SCEL: variants seen among roughly 807,000 people sequenced by gnomAD.
SCEL encodes the protein sciellin.
A neutral mutation model predicts 117.6 loss-of-function variants in SCEL; 113 were observed. That is an observed-to-expected ratio of 0.96 (90% CI 0.83 to 1.12). SCEL has a LOEUF of 1.12. Among genes scored for constraint, SCEL ranks in the 50% most tolerant of loss-of-function variants. The pLI is 0.00. For missense variants in SCEL, 785 were observed against 810.8 expected (o/e 0.97, Z 0.39); for synonymous variants, 270 against 256.2 (o/e 1.05, Z -0.51).
chr13:77,591,814 T>C (rs1236460203), intron 11 of SCEL, among the ~76,000 whole-genome samples: 4 of 152,190 alleles, frequency 2.6e-5, no homozygotes, highest in Non-Finnish European at 5.9e-5. Flanking sequence ...AGTTGTTCAG[T>C]TGAACTTGTG....
At chr13:77,617,696 A>C (rs1044605307) in intron 25 of SCEL, 38 bp downstream of exon 25, 3 of 1,500,892 alleles carry the variant, frequency 2.0e-6, no homozygotes, top group Non-Finnish European at 1.8e-6. Flanking sequence ...CTTGGGTCAG[A>C]AAGAATATTA....
intron 2 of SCEL, among the ~76,000 whole-genome samples, chr13:77,556,149 TC>T (rs1238293398): frequency 6.6e-6 from 1 of 152,258 alleles, no homozygotes; most frequent in Admixed American, 6.5e-5. Flanking sequence ...AATATGACCT[TC>T]TTTGTGTTTG....
intron 27 of SCEL, among the ~76,000 whole-genome samples, chr13:77,625,739 G>A (rs560452972): frequency 1.7e-4 from 26 of 152,272 alleles, no homozygotes; most frequent in African/African-American, 5.8e-4. Flanking sequence ...ACATAAACAT[G>A]AGAACATTTT....
intron 9 of SCEL, among the ~76,000 whole-genome samples, chr13:77,581,882 T>A (rs886578506): frequency 6.6e-6 from 1 of 152,110 alleles, no homozygotes; most frequent in African/African-American, 2.4e-5. Flanking sequence ...TAGAGCATGC[T>A]GAGGGAATGG....
At chr13:77,582,487 G>A (rs745467013) in intron 9 of SCEL, among the ~76,000 whole-genome samples, 4 of 152,102 alleles carry the variant, frequency 2.6e-5, no homozygotes, top group Admixed American at 2.0e-4. Flanking sequence ...CTCGGCCTCC[G>A]AAAGTGCTGG....
intron 10 of SCEL, among the ~76,000 whole-genome samples, chr13:77,590,977 CT>C (rs1161467040): frequency 6.6e-6 from 1 of 151,986 alleles, no homozygotes; most frequent in Non-Finnish European, 1.5e-5. Flanking sequence ...TTCTTCCCAC[CT>C]TTTATGAACA....
intron 28 of SCEL, among the ~76,000 whole-genome samples, 153 bp downstream of exon 28, chr13:77,628,162 A>ATGTG (rs1192487358): frequency 1.4e-3 from 127 of 89,988 alleles, no homozygotes; most frequent in South Asian, 3.0e-3. Context: ...GTGTATATAT[A>ATGTG]TGTGTGTGTA....
Sources: gnomAD v4.1 joint callset for allele counts (sites outside exome capture counted in the v4.1 genomes callset) on GRCh38, gnomAD v4.1.1 for gene constraint, MANE v1.5 for transcripts, NCBI Gene and HGNC (gene_info 2026-07-23, HGNC 2026-07-21) for gene names.